NAALADL2: variants seen among roughly 807,000 people sequenced by gnomAD.
NAALADL2 encodes the protein inactive N-acetylated-alpha-linked acidic dipeptidase-like protein 2.
NAALADL2 carries 76 observed loss-of-function variants against 87.2 expected under a neutral mutation model. The observed-to-expected ratio is 0.87, with a 90% CI of 0.72 to 1.05. The LOEUF is 1.05. Ranked by LOEUF, NAALADL2 falls within the 50% of genes least tolerant of loss-of-function variation. The pLI is 0.00. For missense variants in NAALADL2, 1,089 were observed against 945.8 expected (o/e 1.15, Z -1.99); for synonymous variants, 354 against 331.0 (o/e 1.07, Z -0.75).
intron 2 of NAALADL2, among the ~76,000 whole-genome samples, chr3:175,100,838 C>CAA (rs562200946): frequency 1.3e-3 from 87 of 68,650 alleles, no homozygotes; most frequent in East Asian, 1.6e-3. Flanking sequence ...GACTCTGTCT[C>CAA]AAAAAAAAAA....
At chr3:174,522,441 G>C (rs1410909466) in intron 1 of NAALADL2, among the ~76,000 whole-genome samples, 3 of 152,032 alleles carry the variant, frequency 2.0e-5, no homozygotes, top group Non-Finnish European at 2.9e-5. Context: ...TGGGGGGATT[G>C]CTTGAGGCCA....
At chr3:175,600,748 A>G (rs910749170) in intron 10 of NAALADL2, among the ~76,000 whole-genome samples, 3 of 151,856 alleles carry the variant, frequency 2.0e-5, no homozygotes, top group Non-Finnish European at 4.4e-5. Flanking sequence ...CGTGTTAGCC[A>G]GGATGGTCTC....
intron 1 of NAALADL2, among the ~76,000 whole-genome samples, chr3:174,444,190 A>G (rs1475544527): frequency 1.3e-5 from 2 of 152,182 alleles, no homozygotes; most frequent in African/African-American, 4.8e-5. Flanking sequence ...GTGAGAAAGG[A>G]TACATGCATA....
intron 2 of NAALADL2, among the ~76,000 whole-genome samples, chr3:175,178,591 A>G (rs1207264233): frequency 6.6e-6 from 1 of 152,038 alleles, no homozygotes; most frequent in East Asian, 1.9e-4. Context: ...GCTTTAAATC[A>G]GTGATCCTTA....
In NAALADL2 at chr3:174,772,568, C is replaced by A. The variant is rs140082451; in HGVS notation, c.-9+34822C>A. ...AGTTTTGATTGTTTAACTGCAGGCC[C>A]CATTCTGAGAAACCAGAATTAAATG... On this transcript the variant is annotated intron_variant, in intron 3 of 3. Transcript: ENST00000434257. Among the ~76,000 whole-genome samples, 103 of 152,194 alleles carry A rather than the reference C, an allele frequency of 6.8e-4. 1 individual carries two copies. In the East Asian group the frequency reaches 0.015, roughly 23 times the overall value.
Position 174,457,261 on chromosome 3 carries a change from T to C in NAALADL2, c.-184+16229T>C, listed in dbSNP as rs190175068. Among the ~76,000 whole-genome samples, 11 of 152,284 alleles carry C rather than the reference T, an allele frequency of 7.2e-5. No homozygotes were observed. The East Asian group carries it at 2.1e-3, about 29-fold the overall frequency. ...CACTTAGACACTGTTGTTGGGTGTG[T>C]AAATTAGTTCAACCATTGTAGAAAA... On this transcript the variant is annotated intron_variant, in intron 1 of 3. Coordinates refer to the NAALADL2 transcript ENST00000434257.
At chr3:175,734,552 G>A (rs116154718) in intron 11 of NAALADL2, among the ~76,000 whole-genome samples, 2,695 of 151,530 alleles carry the variant, frequency 0.018, 32 homozygotes, top group Non-Finnish European at 0.028. Flanking sequence ...GCGAGACTCC[G>A]TTTCAAAAAA....
intron 1 of NAALADL2, among the ~76,000 whole-genome samples, chr3:174,896,896 A>T (rs887007041): frequency 6.6e-6 from 1 of 152,186 alleles, no homozygotes; most frequent in Non-Finnish European, 1.5e-5. Flanking sequence ...CTCATATTTG[A>T]TAAGTTTCCA....
intron 11 of NAALADL2, among the ~76,000 whole-genome samples, chr3:175,679,773 C>T (rs1051809918): frequency 2.0e-5 from 3 of 152,106 alleles, no homozygotes; most frequent in Admixed American, 6.5e-5. Context: ...GCTATATTTG[C>T]TAGTGATTTT....
At chr3:174,884,896 G>A (rs1008610464) in intron 1 of NAALADL2, among the ~76,000 whole-genome samples, 3 of 152,100 alleles carry the variant, frequency 2.0e-5, no homozygotes, top group Non-Finnish European at 2.9e-5. Context: ...AGGAGTGTTG[G>A]GGGTGGCTCC....
intron 13 of NAALADL2, among the ~76,000 whole-genome samples, chr3:175,798,330 C>CTT (rs1753754574): frequency 1.3e-5 from 2 of 151,928 alleles, no homozygotes; most frequent in African/African-American, 4.8e-5. Flanking sequence ...ATCTCAGTCA[C>CTT]TTATATTCTA....
At chr3:175,277,011 CAAAAT>C (rs1270438629) in intron 4 of NAALADL2, among the ~76,000 whole-genome samples, 2 of 151,994 alleles carry the variant, frequency 1.3e-5, no homozygotes, top group Admixed American at 1.3e-4. Flanking sequence ...GATAATTGAA[CAAAAT>C]AAAACTTACA....
intron 3 of NAALADL2, among the ~76,000 whole-genome samples, chr3:174,765,663 G>A (rs1713713498): frequency 6.6e-6 from 1 of 152,006 alleles, no homozygotes; most frequent in African/African-American, 2.4e-5. Context: ...TTGAATACAG[G>A]ATTTATTTTT....
intron 6 of NAALADL2, among the ~76,000 whole-genome samples, chr3:175,456,467 A>ACACC (rs1444163886): frequency 6.6e-6 from 1 of 151,774 alleles, no homozygotes. Flanking sequence ...CTACCAATAC[A>ACACC]CACACACACA....
chr3:174,870,750 G>A (rs190370329), intron 1 of NAALADL2, among the ~76,000 whole-genome samples: 1 of 152,060 alleles, frequency 6.6e-6, no homozygotes, highest in East Asian at 1.9e-4. Context: ...TTCCAGGAGA[G>A]TACTTTAAAT....
chr3:175,126,294 G>T (rs898696403), intron 2 of NAALADL2, among the ~76,000 whole-genome samples: 1 of 152,054 alleles, frequency 6.6e-6, no homozygotes, highest in African/African-American at 2.4e-5. Context: ...TTCTGATTGT[G>T]CAGACTATGG....
chr3:175,735,995 G>A (rs548729761), intron 11 of NAALADL2, among the ~76,000 whole-genome samples: 4 of 152,158 alleles, frequency 2.6e-5, no homozygotes, highest in South Asian at 2.1e-4. Context: ...TAACACAGTC[G>A]CATTTCCCTG....
At position 174,905,052 on chromosome 3, in the gene NAALADL2, A is replaced by G. The variant is rs542902336; in HGVS notation, c.43+45602A>G. ...AGCAGTTTTCTTATTCTAGAATGACAGAGTTTAGAAGTAGTCCACTGGTAA... is the reference window on the plus strand; with the variant it reads ...AGCAGTTTTCTTATTCTAGAATGACGGAGTTTAGAAGTAGTCCACTGGTAA... On this transcript the variant is annotated intron_variant, in intron 1 of 13. Transcript: ENST00000454872. 7.9e-5 allele frequency among the ~76,000 whole-genome samples: 12 copies of G among 151,952 alleles called. No homozygotes were observed. The South Asian group carries it at 8.3e-4, about 10-fold the overall frequency.
At chr3:174,780,861 T>G (rs1256435074) in intron 3 of NAALADL2, among the ~76,000 whole-genome samples, 3 of 152,114 alleles carry the variant, frequency 2.0e-5, no homozygotes, top group African/African-American at 2.4e-5. Flanking sequence ...TTGATGCAGT[T>G]TCTTCGTACT....
Sources: allele counts gnomAD v4.1 joint callset (sites outside exome capture counted in the v4.1 genomes callset), GRCh38; gene constraint gnomAD v4.1.1; transcripts MANE v1.5; gene names NCBI Gene and HGNC (gene_info 2026-07-23, HGNC 2026-07-21).